Variants in RANBP17 observed in about 807,000 individuals in gnomAD.
The protein encoded by RANBP17 is ran-binding protein 17.
RANBP17 carries 158 observed loss-of-function variants against 141.2 expected under a neutral mutation model. The observed-to-expected ratio is 1.12, with a 90% CI of 0.98 to 1.28. The LOEUF is 1.28. RANBP17 is among the 50% of genes most tolerant of loss of function. RANBP17 has a pLI of 0.00. For synonymous variants in RANBP17, 430 were observed against 450.0 expected, an observed-to-expected ratio of 0.96 and a Z score of 0.56; for missense variants, 1,438 against 1,290.7, an observed-to-expected ratio of 1.11 and a Z score of -1.75.
chr5:171,201,196 C>T (rs1762278651), intron 19 of RANBP17, among the ~76,000 whole-genome samples: 1 of 152,032 alleles, frequency 6.6e-6, no homozygotes, highest in Admixed American at 6.6e-5. Flanking sequence ...GTGATATATC[C>T]CTAAACCAGC....
At chr5:171,206,943 T>C (rs1202529266) in intron 20 of RANBP17, 2 of 182,472 alleles carry the variant, frequency 1.1e-5, no homozygotes, top group East Asian at 1.8e-4. Context: ...CTTAAAATTC[T>C]CTTAACAGTG....
intron 14 of RANBP17, among the ~76,000 whole-genome samples, chr5:171,099,048 A>T (rs1581631898): frequency 6.6e-6 from 1 of 152,314 alleles, no homozygotes; most frequent in East Asian, 1.9e-4. Flanking sequence ...AGGTAGCATG[A>T]TGCCTCCAGC....
At chr5:171,147,296 A>T (rs1290606477) in intron 14 of RANBP17, among the ~76,000 whole-genome samples, 1 of 149,356 alleles carries the variant, frequency 6.7e-6, no homozygotes, top group Non-Finnish European at 1.5e-5. Flanking sequence ...AAAACATGGA[A>T]GAAAAAGTAG....
intron 8 of RANBP17, among the ~76,000 whole-genome samples, chr5:170,915,961 A>G (rs1417837046): frequency 2.0e-5 from 3 of 152,280 alleles, no homozygotes; most frequent in African/African-American, 7.2e-5. Context: ...AGGGGAATAC[A>G]TACAAATAGG....
At chr5:171,142,750 T>C (rs574727096) in intron 14 of RANBP17, among the ~76,000 whole-genome samples, 33 of 152,316 alleles carry the variant, frequency 2.2e-4, no homozygotes, top group African/African-American at 7.5e-4. Flanking sequence ...GCTGGATACT[T>C]TATTTACTTT....
chr5:171,132,219 C>A (rs1384218922), intron 14 of RANBP17, among the ~76,000 whole-genome samples: 5 of 151,992 alleles, frequency 3.3e-5, no homozygotes, highest in East Asian at 1.9e-4. Flanking sequence ...AAATAGCCTT[C>A]TTTACTCTTC....
chr5:170,925,695 A>G (rs1772860277), intron 12 of RANBP17, among the ~76,000 whole-genome samples: 1 of 152,146 alleles, frequency 6.6e-6, no homozygotes. Context: ...TTTTGTGTTT[A>G]TCAATTCATG....
intron 21 of RANBP17, among the ~76,000 whole-genome samples, chr5:171,217,953 G>T (rs1482522487): frequency 6.6e-6 from 1 of 151,942 alleles, no homozygotes; most frequent in African/African-American, 2.4e-5. Context: ...GTTTGCTTTT[G>T]GTTTTCTATT....
rs549828545 is a variant in RANBP17 at position 171,103,003 on chromosome 5, G to A, written c.1711-67127G>A. 5.9e-5 allele frequency among the ~76,000 whole-genome samples: 9 copies of A among 152,270 alleles called. 1 individual carries two copies. In the South Asian group the frequency reaches 1.4e-3, roughly 25 times the overall value. On this transcript the variant is annotated intron_variant, in intron 14 of 27. Transcript: ENST00000523189. ...TCCCAGAGGGGTACCGGCCAGATGCGAGCCGGAGCTCTCCTGCATGAGGTG... is the reference window on the plus strand; with the variant it reads ...TCCCAGAGGGGTACCGGCCAGATGCAAGCCGGAGCTCTCCTGCATGAGGTG...
chr5:170,874,766 C>T lies in RANBP17; in HGVS notation c.19-3331C>T, dbSNP rs374584633. On this transcript the variant is annotated intron_variant, in intron 1 of 27. Coordinates refer to ENST00000523189, the MANE Select transcript of RANBP17 (RefSeq NM_022897.5). ...TCTTGAATACAGTACACTGATGGGA[C>T]TTGACTCTTTGTCCAGTTTGCCAGT... Among the ~76,000 whole-genome samples the T allele has an allele frequency of 1.0e-3, 157 of 152,032 alleles. 3 individuals carry two copies. In the South Asian group the frequency reaches 0.032, roughly 31 times the overall value.
At chr5:170,981,779 A>G (rs1466801853) in intron 14 of RANBP17, among the ~76,000 whole-genome samples, 2 of 152,176 alleles carry the variant, frequency 1.3e-5, no homozygotes, top group African/African-American at 4.8e-5. Flanking sequence ...TATAAGCGGT[A>G]TCTGTCTTAA....
chr5:171,078,322 C>G (rs1473296651), intron 14 of RANBP17, among the ~76,000 whole-genome samples: 1 of 151,912 alleles, frequency 6.6e-6, no homozygotes, highest in African/African-American at 2.4e-5. Flanking sequence ...GCCACCACGC[C>G]CAGCTAATTT....
chr5:171,176,480 G>A (rs1200680260), intron 16 of RANBP17, among the ~76,000 whole-genome samples: 3 of 151,866 alleles, frequency 2.0e-5, no homozygotes, highest in East Asian at 1.9e-4. Flanking sequence ...CTAAGTACAC[G>A]GCAAAAGAAC....
chr5:171,004,637 G>A (rs369577638), intron 14 of RANBP17, among the ~76,000 whole-genome samples: 7 of 152,162 alleles, frequency 4.6e-5, no homozygotes, highest in African/African-American at 1.7e-4. Flanking sequence ...CCAAGGCGAT[G>A]GGCAGCATCA....
chr5:171,077,420 T>G (rs1785002262), intron 14 of RANBP17, among the ~76,000 whole-genome samples: 1 of 152,134 alleles, frequency 6.6e-6, no homozygotes, highest in Non-Finnish European at 1.5e-5. Flanking sequence ...GTCTCTGTCT[T>G]ACTAATAAAA....
rs1163664571 is a variant in RANBP17 at position 171,252,506 on chromosome 5, A to C, written c.2776+9686A>C. On this transcript the variant is annotated intron_variant, in intron 24 of 27. Coordinates refer to ENST00000523189, the MANE Select transcript of RANBP17 (RefSeq NM_022897.5). ...ACCCTATGCAGTGAGTACAAGTATTACTGTGAAGAGTGTCGCAGCAAACAG... is the reference window on the plus strand; with the variant it reads ...ACCCTATGCAGTGAGTACAAGTATTCCTGTGAAGAGTGTCGCAGCAAACAG... The C allele has an allele frequency of 2.8e-6, 4 of 1,442,194 alleles. No individual in the cohort carries two copies. The Admixed American group carries it at 6.7e-5, about 24-fold the overall frequency. The allele number at this position is 1,442,194 out of a possible 1,614,324, so 89.3% of individuals were successfully genotyped here.
At chr5:171,148,398 T>A (rs1414508061) in intron 14 of RANBP17, among the ~76,000 whole-genome samples, 2 of 151,860 alleles carry the variant, frequency 1.3e-5, no homozygotes, top group East Asian at 1.9e-4. Context: ...AAAAATAAAT[T>A]TAAAAAAAAA....
At chr5:170,937,724 A>G (rs970743535) in intron 12 of RANBP17, among the ~76,000 whole-genome samples, 14 of 152,054 alleles carry the variant, frequency 9.2e-5, no homozygotes, top group Non-Finnish European at 1.5e-5. Context: ...TTTTGTTTTG[A>G]CTGATGACAC....
chr5:171,266,038 A>G (rs1766652829), intron 25 of RANBP17, among the ~76,000 whole-genome samples, 191 bp downstream of exon 25: 1 of 152,118 alleles, frequency 6.6e-6, no homozygotes, highest in South Asian at 2.1e-4. Flanking sequence ...ACCCACCCTC[A>G]AGAAATACCT....
Sources: gnomAD v4.1 joint callset for allele counts (sites outside exome capture counted in the v4.1 genomes callset) on GRCh38, gnomAD v4.1.1 for gene constraint, MANE v1.5 for transcripts, NCBI Gene and HGNC (gene_info 2026-07-23, HGNC 2026-07-21) for gene names.